UTRN: variants seen among roughly 807,000 people sequenced by gnomAD.
The protein encoded by UTRN is dystrophin-related protein 1.
A neutral mutation model predicts 463.9 loss-of-function variants in UTRN; 283 were observed. The ratio of observed to expected loss-of-function variants is 0.61; its 90% CI spans 0.55 to 0.67. UTRN has a LOEUF of 0.67. Ranked by LOEUF, UTRN falls within the 30% of genes least tolerant of loss-of-function variation. The pLI is 0.00. For missense variants in UTRN, 3,922 were observed against 4,084.3 expected (o/e 0.96, Z 1.08); for synonymous variants, 1,442 against 1,431.5 (o/e 1.01, Z -0.17).
intron 53 of UTRN, among the ~76,000 whole-genome samples, chr6:144,724,569 G>A (rs1393743004): frequency 6.6e-6 from 1 of 151,896 alleles, no homozygotes; most frequent in African/African-American, 2.4e-5. Flanking sequence ...ATACCCATAA[G>A]CAGTCACTCC....
intron 39 of UTRN, among the ~76,000 whole-genome samples, chr6:144,518,378 T>C (rs528931125): frequency 1.8e-4 from 27 of 152,346 alleles, no homozygotes; most frequent in Non-Finnish European, 3.7e-4. Flanking sequence ...GTCTGACCCC[T>C]GGCTCCTTAT....
intron 44 of UTRN, 80 bp from the exon 45 acceptor site, chr6:144,539,214 C>T (rs1797793456): frequency 1.2e-5 from 17 of 1,377,408 alleles, no homozygotes; most frequent in South Asian, 8.5e-5. Context: ...GTAATAATAC[C>T]AAAAAGGTTT....
chr6:144,702,454 G>A (rs1255937848), intron 53 of UTRN, among the ~76,000 whole-genome samples: 2 of 152,128 alleles, frequency 1.3e-5, no homozygotes, highest in African/African-American at 4.8e-5. Flanking sequence ...AGCATATTCT[G>A]GTCACTGGTG....
rs1796234373 is a variant in UTRN at position 144,522,910 on chromosome 6, A to T, written c.5734-106A>T. ...TCATGATTAACAATGATTATGTCTC[A>T]TTATTATTTCAAATGAGTGTTCTAC... On this transcript the variant is annotated intron_variant, in intron 40 of 74. Coordinates refer to ENST00000367545, the MANE Select transcript of UTRN (RefSeq NM_007124.3). The T allele has an allele frequency of 5.4e-6, 5 of 932,832 alleles. No individual in the cohort carries two copies. The African/African-American group carries it at 6.8e-5, about 13-fold the overall frequency. 57.8% of individuals were successfully genotyped at this position (932,832 alleles called of 1,614,324 possible).
intron 53 of UTRN, among the ~76,000 whole-genome samples, chr6:144,723,345 G>T (rs1216894490): frequency 6.6e-6 from 1 of 152,074 alleles, no homozygotes; most frequent in Non-Finnish European, 1.5e-5. Flanking sequence ...GGGTGACTTT[G>T]TTATATCTTG....
At position 144,851,130 on chromosome 6, in the gene UTRN, C is replaced by T; in HGVS notation, c.*133C>T. On this transcript the variant is annotated 3_prime_UTR_variant, in exon 75 of 75. Transcript: ENST00000367545. Reference sequence around the variant, plus strand: ...CGATGTTGAGTGCTGACTGTGTGTTCTACTGAAAGAGTAAAACACTGACTA... The same window carrying T: ...CGATGTTGAGTGCTGACTGTGTGTTTTACTGAAAGAGTAAAACACTGACTA... 1.8e-6 allele frequency: 2 copies of T among 1,137,126 alleles called. No individual in the cohort carries two copies. Among genetic ancestry groups the T allele is most frequent in the Non-Finnish European group, 2.7e-6 (2 of 751,252 alleles). The allele number at this position is 1,137,126 out of a possible 1,614,324, so 70.4% of individuals were successfully genotyped here.
At chr6:144,294,061 C>CTT (rs369160651) in intron 2 of UTRN, among the ~76,000 whole-genome samples, 1 of 148,524 alleles carries the variant, frequency 6.7e-6, no homozygotes, top group African/African-American at 2.5e-5. Context: ...GAGATTATTA[C>CTT]TTTTTTTTTT....
At chr6:144,525,879 C>A (rs878964607) in intron 41 of UTRN, among the ~76,000 whole-genome samples, 1 of 151,938 alleles carries the variant, frequency 6.6e-6, no homozygotes, top group African/African-American at 2.4e-5. Flanking sequence ...TGATAGGTTG[C>A]GTCACTATTA....
intron 47 of UTRN, among the ~76,000 whole-genome samples, chr6:144,549,778 C>G (rs1420347734): frequency 6.6e-6 from 1 of 152,080 alleles, no homozygotes. Context: ...ACAGGAGGCA[C>G]AAAGGACAGT....
intron 32 of UTRN, among the ~76,000 whole-genome samples, chr6:144,492,067 G>C (rs574243302): frequency 1.3e-5 from 2 of 152,118 alleles, no homozygotes; most frequent in Admixed American, 6.5e-5. Context: ...GTGCACGTTT[G>C]ATACATGGAT....
chr6:144,789,220 A>G lies in UTRN; in HGVS notation c.8861A>G (p.Gln2954Arg). The G allele has an allele frequency of 6.2e-7, 1 of 1,613,538 alleles. No homozygotes were observed. Among genetic ancestry groups the G allele is most frequent in the Non-Finnish European group, 8.5e-7 (1 of 1,179,742 alleles). ...DTGRTGKIRV[Q>R]SLKIGLMSLS... is the part of the protein sequence containing the mutation. ...GGTCGAACTGGAAAAATTAGAGTGC[A>G]GAGTCTGAAGATTGGATTAATGTCT... is the stretch of plus-strand genomic sequence containing the variant. The change falls in exon 62 of 75, where the codon CAG becomes CGG. Residue 2954 changes from glutamine to arginine, a missense_variant. Physicochemically the swap from Gln to Arg is conservative, Grantham distance 43 (BLOSUM62 1). Around this residue, in one of 3 missense-constraint regions of UTRN, gnomAD observed 1,309 missense variants for 1,452.6 expected, o/e 0.90. Coordinates refer to ENST00000367545, the MANE Select transcript of UTRN (RefSeq NM_007124.3).
At chr6:144,547,534 G>A (rs1382953680) in intron 46 of UTRN, among the ~76,000 whole-genome samples, 1 of 152,050 alleles carries the variant, frequency 6.6e-6, no homozygotes, top group Non-Finnish European at 1.5e-5. Context: ...TGTATGTGAG[G>A]TTAAAATCAG....
At chr6:144,705,910 C>A (rs1785042594) in intron 53 of UTRN, among the ~76,000 whole-genome samples, 1 of 151,210 alleles carries the variant, frequency 6.6e-6, no homozygotes, top group Admixed American at 6.6e-5. Context: ...AACATTAATT[C>A]ATACTAATAT....
At chr6:144,657,623 A>G (rs1779457964) in intron 51 of UTRN, among the ~76,000 whole-genome samples, 2 of 152,070 alleles carry the variant, frequency 1.3e-5, no homozygotes, top group South Asian at 4.1e-4. Flanking sequence ...GATATGTGGG[A>G]CTCTAACAAT....
chr6:144,337,182 CACACACACACACCACACACACACA>C (rs1776791387), intron 2 of UTRN, among the ~76,000 whole-genome samples: 6 of 136,324 alleles, frequency 4.4e-5, no homozygotes, highest in Admixed American at 3.5e-4. Context: ...CACACAGACA[CACACACACACACCACACACACACA>C]CACACACACA....
chr6:144,662,291 A>G (rs1473444040), intron 51 of UTRN, among the ~76,000 whole-genome samples: 1 of 152,204 alleles, frequency 6.6e-6, no homozygotes, highest in African/African-American at 2.4e-5. Flanking sequence ...GAAAACTGGA[A>G]TTACGGAAAA....
At chr6:144,489,565 C>T (rs1371574083) in intron 30 of UTRN, among the ~76,000 whole-genome samples, 2 of 152,192 alleles carry the variant, frequency 1.3e-5, no homozygotes, top group African/African-American at 4.8e-5. Context: ...TTAGCAGGTG[C>T]GTCATGTACA....
chr6:144,570,568 A>C (rs1225367317), intron 50 of UTRN, among the ~76,000 whole-genome samples: 1 of 152,190 alleles, frequency 6.6e-6, no homozygotes, highest in African/African-American at 2.4e-5. Flanking sequence ...TTACAAAACA[A>C]CTAAAATTTG....
intron 14 of UTRN, among the ~76,000 whole-genome samples, chr6:144,445,715 A>G (rs1193365247): frequency 2.0e-5 from 3 of 152,142 alleles, no homozygotes; most frequent in Non-Finnish European, 4.4e-5. Context: ...ATTTAGGCCA[A>G]AAAGTCTCAG....
Sources: gnomAD v4.1 joint callset for allele counts (sites outside exome capture counted in the v4.1 genomes callset) on GRCh38, gnomAD v4.1.1 for gene constraint, gnomAD v4.1.1 regional missense constraint, MANE v1.5 for transcripts, NCBI Gene and HGNC (gene_info 2026-07-23, HGNC 2026-07-21) for gene names.